Variants in IGSF21 observed in about 807,000 individuals in gnomAD.
IGSF21 encodes immunoglobulin superfamily member 21.
In IGSF21, 28 loss-of-function variants were observed where a neutral mutation model predicts 46.8. That is an observed-to-expected ratio of 0.60 (90% confidence interval 0.44 to 0.82). IGSF21 has a LOEUF of 0.82. IGSF21 is among the 40% of genes least tolerant of loss of function. The pLI is 0.00. For missense variants in IGSF21, 624 were observed against 665.5 expected (o/e 0.94, Z 0.69); for synonymous variants, 284 against 273.6 (o/e 1.04, Z -0.38).
chr1:18,327,769 T>C (rs1164922072), intron 3 of IGSF21, among the ~76,000 whole-genome samples: 1 of 152,198 alleles, frequency 6.6e-6, no homozygotes, highest in Non-Finnish European at 1.5e-5. Flanking sequence ...AAGGAGCTTT[T>C]TGGGAGAGAT....
intron 1 of IGSF21, among the ~76,000 whole-genome samples, chr1:18,118,887 C>T (rs190194388): frequency 2.6e-5 from 4 of 151,984 alleles, no homozygotes; most frequent in Admixed American, 2.6e-4. Context: ...CCCTCCCTCC[C>T]TTCTTTCTTT....
intron 1 of IGSF21, among the ~76,000 whole-genome samples, chr1:18,215,371 G>C (rs1255557366): frequency 6.6e-6 from 1 of 152,210 alleles, no homozygotes; most frequent in Non-Finnish European, 1.5e-5. Flanking sequence ...GAGGCTCCCA[G>C]TCTGCTGTGG....
At chr1:18,285,956 T>G (rs2085208674) in intron 2 of IGSF21, among the ~76,000 whole-genome samples, 1 of 152,214 alleles carries the variant, frequency 6.6e-6, no homozygotes, top group African/African-American at 2.4e-5. Flanking sequence ...GTGTTCACTC[T>G]TACGCACTGA....
chr1:18,229,076 A>AG (rs2124507740), intron 2 of IGSF21, among the ~76,000 whole-genome samples: 1 of 152,342 alleles, frequency 6.6e-6, no homozygotes, highest in South Asian at 2.1e-4. Context: ...AACAGGCTAT[A>AG]GAATGACTTG....
At chr1:18,269,698 T>C (rs938656931) in intron 2 of IGSF21, among the ~76,000 whole-genome samples, 5 of 152,102 alleles carry the variant, frequency 3.3e-5, no homozygotes, top group African/African-American at 4.8e-5. Context: ...ATACCCCCAG[T>C]CTGAAGCGCA....
chr1:18,108,253 G>T, intron 1 of IGSF21, 55 bp downstream of exon 1: 1 of 1,314,016 alleles, frequency 7.6e-7, no homozygotes, highest in Non-Finnish European at 9.7e-7. Context: ...CGGGGACGGG[G>T]TGCCGGGGGA....
At chr1:18,328,000 T>C (rs973392872) in intron 3 of IGSF21, among the ~76,000 whole-genome samples, 4 of 152,164 alleles carry the variant, frequency 2.6e-5, no homozygotes, top group African/African-American at 9.7e-5. Flanking sequence ...CAGGATGAGA[T>C]TGATGTTTGT....
intron 4 of IGSF21, among the ~76,000 whole-genome samples, chr1:18,359,462 G>GGAAGGAA (rs2086074973): frequency 1.3e-5 from 1 of 74,834 alleles, no homozygotes; most frequent in African/African-American, 5.4e-5. Context: ...AAGAAAGAAA[G>GGAAGGAA]GGAAGGAAGG....
chr1:18,175,517 T>G (rs952947444), intron 1 of IGSF21, among the ~76,000 whole-genome samples: 1 of 151,880 alleles, frequency 6.6e-6, no homozygotes, highest in Non-Finnish European at 1.5e-5. Flanking sequence ...GGGAGAGGGG[T>G]GCAGACATCC....
intron 1 of IGSF21, among the ~76,000 whole-genome samples, chr1:18,227,098 G>T (rs72655150): frequency 1.6e-3 from 248 of 152,330 alleles, no homozygotes; most frequent in Middle Eastern, 3.4e-3. Context: ...CCTGGTGTTT[G>T]CAATGAGTTC....
At chr1:18,252,795 C>G (rs1386890498) in intron 2 of IGSF21, among the ~76,000 whole-genome samples, 1 of 152,202 alleles carries the variant, frequency 6.6e-6, no homozygotes, top group East Asian at 1.9e-4. Flanking sequence ...TCCAGCCCAC[C>G]TCTGCCATTT....
At chr1:18,378,187 G>T (rs891594218) in intron 9 of IGSF21, 69 bp from the exon 10 acceptor site, 10 of 1,312,384 alleles carry the variant, frequency 7.6e-6, no homozygotes, top group Non-Finnish European at 1.1e-5. Context: ...TTGGGGACCT[G>T]GAGGCTCTGC....
At chr1:18,199,133 C>T (rs1166340824) in intron 1 of IGSF21, among the ~76,000 whole-genome samples, 2 of 152,068 alleles carry the variant, frequency 1.3e-5, no homozygotes, top group Non-Finnish European at 2.9e-5. Flanking sequence ...CTCAGTTTTG[C>T]AAGGCCCCCC....
In IGSF21 at chr1:18,152,465, CCAAA is replaced by C. The variant is rs1557559537; in HGVS notation, c.70+44270_70+44273del. Among the ~76,000 whole-genome samples the C allele has an allele frequency of 3.9e-5, 6 of 152,292 alleles. No individual in the cohort carries two copies. In the South Asian group the frequency reaches 1.0e-3, roughly 26 times the overall value. On this transcript the variant is annotated intron_variant, in intron 1 of 9. Transcript: ENST00000251296. ...GAAAACACAGACCATAGACTCAGTT[CCAAA>C]CAGTCTTGAGCTCACAATTTGGTTT...
At chr1:18,350,987 A>AAC (rs1255709159) in intron 4 of IGSF21, among the ~76,000 whole-genome samples, 5 of 152,038 alleles carry the variant, frequency 3.3e-5, no homozygotes, top group Non-Finnish European at 7.4e-5. Flanking sequence ...GACCTGTGGA[A>AAC]ACACGTGAGG....
intron 1 of IGSF21, among the ~76,000 whole-genome samples, chr1:18,180,997 C>T (rs2086851708): frequency 6.6e-6 from 1 of 152,178 alleles, no homozygotes; most frequent in Non-Finnish European, 1.5e-5. Flanking sequence ...CCTCAGTCTC[C>T]CCCTCTGTAA....
intron 1 of IGSF21, among the ~76,000 whole-genome samples, chr1:18,186,917 T>C (rs1253701169): frequency 1.3e-5 from 2 of 152,176 alleles, no homozygotes; most frequent in African/African-American, 4.8e-5. Flanking sequence ...CTGGGATCTA[T>C]GCTCTCATAG....
intron 1 of IGSF21, among the ~76,000 whole-genome samples, chr1:18,192,201 A>G (rs2086964574): frequency 6.6e-6 from 1 of 152,186 alleles, no homozygotes; most frequent in African/African-American, 2.4e-5. Flanking sequence ...TGAAATGGGG[A>G]TCATGCTCCC....
intron 3 of IGSF21, among the ~76,000 whole-genome samples, chr1:18,297,697 TC>T (rs1007100197): frequency 4.6e-5 from 7 of 152,132 alleles, no homozygotes; most frequent in Non-Finnish European, 8.8e-5. Context: ...CCCACGCACA[TC>T]CACCTGGATC....
Sources: allele counts gnomAD v4.1 joint callset (sites outside exome capture counted in the v4.1 genomes callset), GRCh38; gene constraint gnomAD v4.1.1; transcripts MANE v1.5; gene names NCBI Gene and HGNC (gene_info 2026-07-23, HGNC 2026-07-21).